Variants in KIF13B observed in about 807,000 individuals in gnomAD.
KIF13B encodes kinesin-like protein KIF13B.
A neutral mutation model predicts 222.0 loss-of-function variants in KIF13B; 127 were observed. The ratio of observed to expected loss-of-function variants is 0.57; its 90% CI spans 0.50 to 0.66. The LOEUF (loss-of-function observed/expected upper bound fraction) is 0.66. KIF13B is among the 30% of genes least tolerant of loss of function. The probability of loss-of-function intolerance (pLI) is 0.00; values close to 1 mark genes in which losing one functional copy is unlikely to be tolerated. For synonymous variants in KIF13B, 976 were observed against 919.0 expected, an observed-to-expected ratio of 1.06 and a Z score of -1.12; for missense variants, 2,173 against 2,379.0, an observed-to-expected ratio of 0.91 and a Z score of 1.80.
chr8:29,074,883 A>G (rs1292120839), intron 38 of KIF13B, among the ~76,000 whole-genome samples: 1 of 152,222 alleles, frequency 6.6e-6, no homozygotes, highest in African/African-American at 2.4e-5. Flanking sequence ...TCTGTGGGAG[A>G]TTATAAGAGA....
intron 2 of KIF13B, among the ~76,000 whole-genome samples, chr8:29,241,204 G>A (rs998675523): frequency 2.0e-5 from 3 of 152,186 alleles, no homozygotes; most frequent in African/African-American, 7.2e-5. Flanking sequence ...ACCACATCAT[G>A]TATGATTTCA....
intron 37 of KIF13B, among the ~76,000 whole-genome samples, chr8:29,090,839 T>C (rs974201641): frequency 1.3e-5 from 2 of 152,176 alleles, no homozygotes; most frequent in African/African-American, 4.8e-5. Context: ...AGCCTCATTC[T>C]AATTCTCATA....
At chr8:29,088,810 T>C (rs1260661376) in intron 37 of KIF13B, among the ~76,000 whole-genome samples, 2 of 152,242 alleles carry the variant, frequency 1.3e-5, no homozygotes, top group Non-Finnish European at 2.9e-5. Context: ...ATTTAAAGTA[T>C]GCTTCACTTG....
intron 33 of KIF13B, 52 bp downstream of exon 33, chr8:29,109,866 T>TCAAA: frequency 6.3e-7 from 1 of 1,578,442 alleles, no homozygotes; most frequent in Non-Finnish European, 8.7e-7. Context: ...AAACACAGAC[T>TCAAA]CAGCCTGCAT....
rs140878668 is a variant in KIF13B at position 29,224,728 on chromosome 8, G to C, written c.149+20618C>G. On this transcript the variant is annotated intron_variant, in intron 2 of 39. Transcript: ENST00000524189. ...CTAGAGCATGCATCCTTGATTAGAG[G>C]TGTTCATATGCTACCTCATCCACCC... Among the ~76,000 whole-genome samples the C allele has an allele frequency of 2.1e-3, 314 of 151,594 alleles. 1 individual carries two copies. Among genetic ancestry groups the C allele is most frequent in the African/African-American group, 7.4e-3 (303 of 41,180 alleles).
At position 29,130,561 on chromosome 8, in the gene KIF13B, G is replaced by C. The variant is rs1810299222; in HGVS notation, c.3047C>G (p.Pro1016Arg). The change falls in exon 24 of 40, where the codon CCA (proline) becomes CGA (arginine). Residue 1016 changes from proline to arginine, a missense_variant. Pro to Arg is a moderately radical substitution (Grantham distance 103, BLOSUM62 -2). Around this residue, in one of 2 missense-constraint regions of KIF13B, gnomAD observed 1,480 missense variants for 1,722.8 expected, o/e 0.86. Coordinates refer to ENST00000524189, the MANE Select transcript of KIF13B (RefSeq NM_015254.4). ...PVEVISAKDV[P>R]TGGIFQLRQG... ...CCGGAGCTGGAAGATTCCTCCTGTTGGGACATCCTTTGCAGAAATCACTTC... is the reference window on the plus strand; with the variant it reads ...CCGGAGCTGGAAGATTCCTCCTGTTCGGACATCCTTTGCAGAAATCACTTC... The C allele has an allele frequency of 6.2e-7, 1 of 1,613,584 alleles. No individual in the cohort carries two copies. Among genetic ancestry groups the C allele is most frequent in the Non-Finnish European group, 8.5e-7 (1 of 1,179,710 alleles).
chr8:29,171,723 A>C (rs1812246694), intron 10 of KIF13B, among the ~76,000 whole-genome samples: 1 of 150,224 alleles, frequency 6.7e-6, no homozygotes, highest in Admixed American at 6.6e-5. Context: ...TGAAGTCCAA[A>C]TGACGTTAAA....
At chr8:29,172,799 C>A (rs911861151) in intron 10 of KIF13B, among the ~76,000 whole-genome samples, 2 of 152,214 alleles carry the variant, frequency 1.3e-5, no homozygotes, top group African/African-American at 2.4e-5. Context: ...TGGCATGGCA[C>A]CAGATACTCC....
intron 1 of KIF13B, among the ~76,000 whole-genome samples, chr8:29,250,731 A>G (rs1479685956): frequency 6.6e-6 from 1 of 152,200 alleles, no homozygotes. Flanking sequence ...AACATCTAGG[A>G]CACATGCCCA....
intron 35 of KIF13B, among the ~76,000 whole-genome samples, chr8:29,102,107 A>C (rs1365261316): frequency 6.6e-6 from 1 of 152,142 alleles, no homozygotes; most frequent in Non-Finnish European, 1.5e-5. Context: ...AAAAAAAAAA[A>C]AGAAAAATGA....
At chr8:29,203,892 C>CAAAAAAAAAAA (rs11432771) in intron 2 of KIF13B, among the ~76,000 whole-genome samples, 6 of 66,126 alleles carry the variant, frequency 9.1e-5, no homozygotes, top group Non-Finnish European at 1.0e-4. Context: ...AGTTCCGTCT[C>CAAAAAAAAAAA]AAAAAAAAAA....
chr8:29,077,667 C>G lies in KIF13B; in HGVS notation c.4459-2324G>C, dbSNP rs138000474. Reference sequence around the variant, plus strand: ...ATGATTCCTGCCCTCTGAAATAGAACATGCAAACAAGTTACACTTTCCTTC... The same window carrying G: ...ATGATTCCTGCCCTCTGAAATAGAAGATGCAAACAAGTTACACTTTCCTTC... On this transcript the variant is annotated intron_variant, in intron 37 of 39. Transcript: ENST00000524189. 6.0e-4 allele frequency among the ~76,000 whole-genome samples: 92 copies of G among 152,320 alleles called. No individual in the cohort carries two copies. In the East Asian group the frequency reaches 0.012, roughly 20 times the overall value.
chr8:29,231,076 C>G (rs1227461921), intron 2 of KIF13B, among the ~76,000 whole-genome samples: 1 of 152,058 alleles, frequency 6.6e-6, no homozygotes, highest in Non-Finnish European at 1.5e-5. Context: ...GACAGGGTTT[C>G]ACCATGTTGC....
In KIF13B at chr8:29,178,785, G is replaced by T. The variant is rs577363498; in HGVS notation, c.721-1207C>A. ...GGAGAAAAATATGCTTTCAGCAGAT[G>T]AAAATCCTGCCAAAATATAGCACTT... is the stretch of plus-strand genomic sequence containing the variant. On this transcript the variant is annotated intron_variant, in intron 8 of 39. Coordinates refer to ENST00000524189, the MANE Select transcript of KIF13B (RefSeq NM_015254.4). Among the ~76,000 whole-genome samples the T allele has an allele frequency of 1.2e-3, 187 of 152,128 alleles. 1 individual carries two copies. The highest frequency in any genetic ancestry group is 2.2e-3 in the Non-Finnish European group (151 of 68,002).
intron 35 of KIF13B, among the ~76,000 whole-genome samples, chr8:29,104,047 A>G (rs1285402215): frequency 6.6e-6 from 1 of 151,782 alleles, no homozygotes; most frequent in Non-Finnish European, 1.5e-5. Context: ...TCCTTCCTAA[A>G]ACACTCCTCC....
intron 24 of KIF13B, 107 bp downstream of exon 24, chr8:29,130,426 C>G (rs1239529879): frequency 8.7e-6 from 10 of 1,147,170 alleles, no homozygotes; most frequent in Non-Finnish European, 1.3e-5. Context: ...AAGAAATGGA[C>G]TTGGCCAGTC....
intron 18 of KIF13B, among the ~76,000 whole-genome samples, chr8:29,144,913 C>A (rs1238093056): frequency 2.0e-5 from 3 of 152,308 alleles, no homozygotes; most frequent in Middle Eastern, 3.4e-3. Flanking sequence ...TGCCCCAGTG[C>A]AGAGCCACAC....
At chr8:29,133,610 C>CA (rs1158235511) in intron 22 of KIF13B, among the ~76,000 whole-genome samples, 2 of 151,978 alleles carry the variant, frequency 1.3e-5, no homozygotes, top group Non-Finnish European at 2.9e-5. Context: ...CAAACAAACA[C>CA]AAAAAAATGC....
intron 37 of KIF13B, among the ~76,000 whole-genome samples, chr8:29,087,100 C>T (rs1808079660): frequency 6.6e-6 from 1 of 152,234 alleles, no homozygotes; most frequent in Admixed American, 6.5e-5. Context: ...TGATTGGTGA[C>T]ACAGAGGATG....
Sources: allele counts gnomAD v4.1 joint callset (sites outside exome capture counted in the v4.1 genomes callset), GRCh38; gene constraint gnomAD v4.1.1; regional missense constraint gnomAD v4.1.1; transcripts MANE v1.5; gene names NCBI Gene and HGNC (gene_info 2026-07-23, HGNC 2026-07-21).